TTC21B: variants seen among roughly 807,000 people sequenced by gnomAD.
The protein encoded by TTC21B is tetratricopeptide repeat domain 21B.
A neutral mutation model predicts 175.1 loss-of-function variants in TTC21B; 127 were observed. The ratio of observed to expected loss-of-function variants is 0.73; its 90% CI spans 0.63 to 0.84. TTC21B has a LOEUF of 0.84. Ranked by LOEUF, TTC21B falls within the 40% of genes least tolerant of loss-of-function variation. The pLI, the probability that TTC21B is intolerant of heterozygous loss-of-function variation, is 0.00. For synonymous variants in TTC21B, 524 were observed against 524.5 expected, an observed-to-expected ratio of 1.00 and a Z score of 0.01; for missense variants, 1,561 against 1,558.3, an observed-to-expected ratio of 1.00 and a Z score of -0.03.
At chr2:165,898,958 T>C (rs1685462520) in intron 21 of TTC21B, among the ~76,000 whole-genome samples, 191 bp from the exon 22 acceptor site, 1 of 152,196 alleles carries the variant, frequency 6.6e-6, no homozygotes, top group Non-Finnish European at 1.5e-5. Flanking sequence ...TAACAGAAGA[T>C]AATCAAGGAT....
chr2:165,935,324 C>G (rs1687088638), intron 6 of TTC21B, among the ~76,000 whole-genome samples: 1 of 152,178 alleles, frequency 6.6e-6, no homozygotes, highest in Admixed American at 6.5e-5. Context: ...CTTTGGGAAA[C>G]TTCTCTGCAG....
chr2:165,892,778 T>C lies in TTC21B; in HGVS notation c.2951-1790A>G, dbSNP rs557275362. Among the ~76,000 whole-genome samples, 4 of 152,308 alleles carry C rather than the reference T, an allele frequency of 2.6e-5. No individual in the cohort carries two copies. The East Asian group carries it at 7.7e-4, about 29-fold the overall frequency. On this transcript the variant is annotated intron_variant, in intron 22 of 28. Coordinates refer to ENST00000243344, the MANE Select transcript of TTC21B (RefSeq NM_024753.5). ...TTTGGAATGGCAAAAACGCAAAACG[T>C]TGATGGATAACGGTGATGACTTACA...
At chr2:165,943,909 G>A (rs142850386) in intron 4 of TTC21B, among the ~76,000 whole-genome samples, 4 of 151,982 alleles carry the variant, frequency 2.6e-5, no homozygotes, top group African/African-American at 4.8e-5. Flanking sequence ...GGGCCGATGG[G>A]TTGTAAGACA....
intron 4 of TTC21B, 149 bp downstream of exon 4, chr2:165,945,375 T>C (rs547994571): frequency 2.5e-4 from 180 of 728,732 alleles, no homozygotes; most frequent in Middle Eastern, 3.9e-4. Flanking sequence ...ACCATATTGA[T>C]AACCATAAAT....
chr2:165,916,075 T>G (rs874099), intron 14 of TTC21B, among the ~76,000 whole-genome samples: 2,803 of 152,224 alleles, frequency 0.018, 125 homozygotes, highest in Admixed American at 0.1. Flanking sequence ...TTAAGCCCAG[T>G]AGTTTGAGAC....
intron 28 of TTC21B, among the ~76,000 whole-genome samples, chr2:165,875,800 C>T (rs1684647016): frequency 6.6e-6 from 1 of 150,606 alleles, no homozygotes; most frequent in African/African-American, 2.4e-5. Context: ...CATGTTTCTC[C>T]CACTGGTCTT....
chr2:165,880,540 A>T, intron 27 of TTC21B, 139 bp downstream of exon 27: 1 of 915,280 alleles, frequency 1.1e-6, no homozygotes, highest in Non-Finnish European at 1.7e-6. Context: ...TATAAAATTT[A>T]TTCTCCTTTC....
At chr2:165,914,303 A>G (rs956356917) in intron 15 of TTC21B, among the ~76,000 whole-genome samples, 3 of 152,188 alleles carry the variant, frequency 2.0e-5, no homozygotes, top group Non-Finnish European at 4.4e-5. Context: ...AACAAAACCT[A>G]TACTTTTAAC....
At position 165,907,788 on chromosome 2, in the gene TTC21B, T is replaced by C. The variant is rs1574089628; in HGVS notation, c.2462-4A>G. ...ATGAGAGCTGACAGTTCATTTACTATGAAAGAATGGAATGTAATGCAAAAA... is the reference window on the plus strand; with the variant it reads ...ATGAGAGCTGACAGTTCATTTACTACGAAAGAATGGAATGTAATGCAAAAA... On this transcript the variant is annotated splice_polypyrimidine_tract_variant and splice_region_variant and intron_variant, in intron 18 of 28. Coordinates refer to ENST00000243344, the MANE Select transcript of TTC21B (RefSeq NM_024753.5). The C allele has an allele frequency of 2.5e-6, 4 of 1,590,860 alleles. No individual in the cohort carries two copies. The highest frequency in any genetic ancestry group is 1.1e-5 in the South Asian group (1 of 90,576).
chr2:165,924,029 A>G (rs994726951), intron 12 of TTC21B, among the ~76,000 whole-genome samples: 17 of 152,166 alleles, frequency 1.1e-4, no homozygotes, highest in Admixed American at 2.6e-4. Flanking sequence ...TTGGGATTAC[A>G]GGTGTGAGCC....
intron 19 of TTC21B, among the ~76,000 whole-genome samples, chr2:165,903,425 T>C (rs1362601273): frequency 1.3e-5 from 2 of 152,206 alleles, no homozygotes; most frequent in African/African-American, 4.8e-5. Flanking sequence ...TTAAATAATC[T>C]ACATTTTATC....
At chr2:165,880,590 G>T in intron 27 of TTC21B, 89 bp downstream of exon 27, 3 of 1,419,750 alleles carry the variant, frequency 2.1e-6, no homozygotes, top group South Asian at 1.2e-5. Context: ...TGTTTATTTT[G>T]TTTTGAAAAA....
chr2:165,897,395 G>C (rs1422536808), intron 22 of TTC21B, among the ~76,000 whole-genome samples: 2 of 152,152 alleles, frequency 1.3e-5, no homozygotes, highest in Non-Finnish European at 2.9e-5. Flanking sequence ...TTTGCTGATA[G>C]ACTGGAGGTG....
chr2:165,945,176 T>C (rs201812365), intron 4 of TTC21B, among the ~76,000 whole-genome samples: 8 of 152,024 alleles, frequency 5.3e-5, no homozygotes, highest in Non-Finnish European at 1.2e-4. Context: ...GTACAAATAA[T>C]GGTACCTTGT....
At chr2:165,914,500 C>T (rs1686070206) in intron 15 of TTC21B, among the ~76,000 whole-genome samples, 1 of 152,116 alleles carries the variant, frequency 6.6e-6, no homozygotes, top group Admixed American at 6.6e-5. Context: ...AGAATCTGAG[C>T]AGCTTTTTGA....
intron 1 of TTC21B, 93 bp downstream of exon 1, chr2:165,953,592 C>T (rs1687826366): frequency 2.6e-5 from 39 of 1,528,998 alleles, no homozygotes; most frequent in Non-Finnish European, 3.2e-5. Flanking sequence ...CCTAGCGAAG[C>T]CACCCGAGCT....
chr2:165,913,461 G>T, intron 16 of TTC21B, 113 bp downstream of exon 16: 1 of 717,684 alleles, frequency 1.4e-6, no homozygotes, highest in Non-Finnish European at 2.4e-6. Context: ...TACTGTGATG[G>T]CTGGATCTTC....
intron 26 of TTC21B, 42 bp downstream of exon 26, chr2:165,883,752 C>A: frequency 1.4e-6 from 2 of 1,476,538 alleles, no homozygotes; most frequent in Non-Finnish European, 1.9e-6. Flanking sequence ...AAAGCTTATG[C>A]AACAAAGGTC....
chr2:165,937,657 A>G (rs924176153), intron 6 of TTC21B, among the ~76,000 whole-genome samples: 15 of 152,092 alleles, frequency 9.9e-5, no homozygotes, highest in Admixed American at 6.6e-5. Flanking sequence ...GTATAAAATG[A>G]TATCTATGAA....
Sources: allele counts gnomAD v4.1 joint callset (sites outside exome capture counted in the v4.1 genomes callset), GRCh38; gene constraint gnomAD v4.1.1; transcripts MANE v1.5; gene names NCBI Gene and HGNC (gene_info 2026-07-23, HGNC 2026-07-21).